HSPA9: variants seen among roughly 807,000 people sequenced by gnomAD.
HSPA9 encodes the protein stress-70 protein, mitochondrial.
A neutral mutation model predicts 81.5 loss-of-function variants in HSPA9; 28 were observed. The observed-to-expected ratio is 0.34, with a 90% CI of 0.25 to 0.47. The LOEUF is 0.47. Ranked by LOEUF, HSPA9 falls within the 20% of genes least tolerant of loss-of-function variation. The pLI is 1.00. For synonymous variants in HSPA9, 293 were observed against 290.4 expected, an observed-to-expected ratio of 1.01 and a Z score of -0.09; for missense variants, 678 against 838.0, an observed-to-expected ratio of 0.81 and a Z score of 2.36.
In HSPA9 at chr5:138,571,181, A is replaced by G. The variant is rs147364929; in HGVS notation, c.229-40T>C. 508 of 1,595,546 alleles carry G rather than the reference A, an allele frequency of 3.2e-4. 1 individual carries two copies. The Middle Eastern group carries it at 5.1e-3, about 16-fold the overall frequency. On this transcript the variant is annotated intron_variant, in intron 3 of 16. Transcript: ENST00000297185. ...TGTGATAGAGAGTAAGTTTGTAGTT[A>G]TCACTGGTATGTTTTTTGAGATGGA...
At chr5:138,568,770 GA>G (rs1436013163) in intron 5 of HSPA9, among the ~76,000 whole-genome samples, 154 bp downstream of exon 5, 1 of 152,206 alleles carries the variant, frequency 6.6e-6, no homozygotes, top group Non-Finnish European at 1.5e-5. Flanking sequence ...AATCTGCAGG[GA>G]AAGCATGAAG....
At chr5:138,556,209 C>G in intron 16 of HSPA9, 95 bp from the exon 17 acceptor site, 1 of 1,095,034 alleles carries the variant, frequency 9.1e-7, no homozygotes, top group Non-Finnish European at 1.4e-6. Flanking sequence ...CACATATGTC[C>G]TCATCATTCA....
At chr5:138,567,385 C>A in intron 7 of HSPA9, 70 bp downstream of exon 7, 1 of 1,239,112 alleles carries the variant, frequency 8.1e-7, no homozygotes, top group South Asian at 1.2e-5. Flanking sequence ...GTAAAAGGCT[C>A]AATTACTAAA....
At chr5:138,561,872 G>T in intron 9 of HSPA9, 83 bp from the exon 10 acceptor site, 1 of 1,068,504 alleles carries the variant, frequency 9.4e-7, no homozygotes, top group Non-Finnish European at 1.5e-6. Flanking sequence ...ATATGACCAT[G>T]CCCTAGGACA....
chr5:138,573,145 G>T (rs2127162705), intron 3 of HSPA9, among the ~76,000 whole-genome samples: 1 of 152,160 alleles, frequency 6.6e-6, no homozygotes, highest in Admixed American at 6.5e-5. Context: ...CACCCGCCTT[G>T]GCCTCCCAAA....
At chr5:138,572,004 TG>T (rs1272699944) in intron 3 of HSPA9, among the ~76,000 whole-genome samples, 1 of 123,980 alleles carries the variant, frequency 8.1e-6, no homozygotes, top group Non-Finnish European at 1.6e-5. Flanking sequence ...TCACCTAGGC[TG>T]GAGTGCAGTG....
At position 138,554,607 on chromosome 5, in the gene HSPA9, T is replaced by C. The variant is rs1181182960; in HGVS notation, c.*1430A>G. Among the ~76,000 whole-genome samples, 5 of 152,238 alleles carry C rather than the reference T, an allele frequency of 3.3e-5. No individual in the cohort carries two copies. The highest frequency in any genetic ancestry group is 3.3e-4 in the Admixed American group (5 of 15,286). On this transcript the variant is annotated 3_prime_UTR_variant, in exon 17 of 17. Coordinates refer to ENST00000297185, the MANE Select transcript of HSPA9 (RefSeq NM_004134.7). Reference sequence around the variant, plus strand: ...GATTTCTTATACTGATTTTTGGAAATACAGTAATCTCATTTCTACATATTA... The same window carrying C: ...GATTTCTTATACTGATTTTTGGAAACACAGTAATCTCATTTCTACATATTA...
At chr5:138,570,894 C>T in intron 4 of HSPA9, 66 bp downstream of exon 4, 4 of 1,342,208 alleles carry the variant, frequency 3.0e-6, no homozygotes, top group Non-Finnish European at 4.3e-6. Context: ...CATCAACATG[C>T]TGAGGCTCTT....
rs1209908284 is a variant in HSPA9 at position 138,571,055 on chromosome 5, G to C, written c.315C>G (p.Ala105=). 6.2e-7 allele frequency: 1 copy of C among 1,614,192 alleles called. No homozygotes were observed. The change falls in exon 4 of 17, where the codon GCC becomes GCG. Residue 105 remains alanine, a synonymous_variant. Transcript: ENST00000297185. ...ADGERLVGMP[A]KRQAVTNPNN... ...TTGGGTTGGTGACAGCCTGTCGCTT[G>C]GCCGGCATTCCAACAAGTCGCTCAC...
rs760971853 is a variant in HSPA9 at position 138,556,595 on chromosome 5, TAAAAA to T, written c.1822-8_1822-4del. On this transcript the variant is annotated splice_polypyrimidine_tract_variant and splice_region_variant and intron_variant, in intron 15 of 16. Coordinates refer to ENST00000297185, the MANE Select transcript of HSPA9 (RefSeq NM_004134.7). The stretch of plus-strand genomic sequence containing the variant: ...ATCTCTTCTTTCAGCTTGTTGCACT[TAAAAA>T]AAGAAAACAAAAATCCTTACTTTTC... 1.2e-6 allele frequency: 2 copies of T among 1,613,678 alleles called. No individual in the cohort carries two copies. Among genetic ancestry groups the T allele is most frequent in the African/African-American group, 2.7e-5 (2 of 75,014 alleles).
chr5:138,561,558 A>C, intron 10 of HSPA9, 22 bp downstream of exon 10: 2 of 1,599,506 alleles, frequency 1.3e-6, no homozygotes, highest in Non-Finnish European at 1.7e-6. Context: ...TCTCTCCACG[A>C]CAGAATTCCA....
At chr5:138,568,396 G>C (rs531272088) in intron 5 of HSPA9, among the ~76,000 whole-genome samples, 89 of 151,278 alleles carry the variant, frequency 5.9e-4, no homozygotes, top group Middle Eastern at 3.5e-3. Context: ...AGCTACGTTG[G>C]GGGGGAGGGA....
At chr5:138,562,037 C>G (rs943356201) in intron 9 of HSPA9, among the ~76,000 whole-genome samples, 22 of 151,580 alleles carry the variant, frequency 1.5e-4, no homozygotes, top group African/African-American at 4.1e-4. Context: ...CTCCCAGGTT[C>G]AAGCGATTCT....
chr5:138,565,185 T>C (rs923184661), intron 9 of HSPA9, among the ~76,000 whole-genome samples: 1 of 152,134 alleles, frequency 6.6e-6, no homozygotes, highest in Non-Finnish European at 1.5e-5. Context: ...ACCAATCTCT[T>C]CCAACACCTC....
chr5:138,574,030 T>A (rs762550599), intron 2 of HSPA9, 38 bp downstream of exon 2: 2 of 1,512,788 alleles, frequency 1.3e-6, no homozygotes, highest in South Asian at 2.3e-5. Flanking sequence ...TGAAGTTTAA[T>A]ATGTATTCCC....
intron 4 of HSPA9, among the ~76,000 whole-genome samples, chr5:138,569,716 G>T (rs256012): frequency 6.6e-6 from 1 of 152,058 alleles, no homozygotes; most frequent in African/African-American, 2.4e-5. Flanking sequence ...AAAATATTTA[G>T]TTTATATATA....
intron 14 of HSPA9, 102 bp downstream of exon 14, chr5:138,557,300 G>A: frequency 2.4e-6 from 2 of 827,464 alleles, no homozygotes; most frequent in South Asian, 2.9e-5. Context: ...TGGGCTTACA[G>A]TGCTGGGATT....
chr5:138,574,115 A>G lies in HSPA9; in HGVS notation c.93T>C (p.Asn31=). ...PTAARHQDSW[N]GLSHEAFRLV... Reference sequence around the variant, plus strand: ...GTCTAAAAGCCTCATGACTAAGGCCATTCCAGCTATCCTAAAAAAGAAAAA... The same window carrying G: ...GTCTAAAAGCCTCATGACTAAGGCCGTTCCAGCTATCCTAAAAAAGAAAAA... Residue 31 remains asparagine, a synonymous_variant, in exon 2 of 17, where the codon AAT becomes AAC. Transcript: ENST00000297185. The G allele has an allele frequency of 6.2e-7, 1 of 1,613,758 alleles. No individual in the cohort carries two copies. The highest frequency in any genetic ancestry group is 1.3e-5 in the African/African-American group (1 of 75,048).
Position 138,575,364 on chromosome 5 carries a change from G to T in HSPA9, c.-46C>A, listed in dbSNP as rs780832946. On this transcript the variant is annotated 5_prime_UTR_variant, in exon 1 of 17. Coordinates refer to ENST00000297185, the MANE Select transcript of HSPA9 (RefSeq NM_004134.7). Reference sequence around the variant, plus strand: ...CGAGGCAGCAAACAAGCGCTCCGACGGCAAAGAGCTGCGCGATGCGGTGGC... The same window carrying T: ...CGAGGCAGCAAACAAGCGCTCCGACTGCAAAGAGCTGCGCGATGCGGTGGC... 4.0e-6 allele frequency: 6 copies of T among 1,487,580 alleles called. No homozygotes were observed. The highest frequency in any genetic ancestry group is 9.3e-7 in the Non-Finnish European group (1 of 1,069,808). 92.1% of individuals were successfully genotyped at this position (1,487,580 alleles called of 1,614,324 possible).
Sources: gnomAD v4.1 joint callset for allele counts (sites outside exome capture counted in the v4.1 genomes callset) on GRCh38, gnomAD v4.1.1 for gene constraint, MANE v1.5 for transcripts, NCBI Gene and HGNC (gene_info 2026-07-23, HGNC 2026-07-21) for gene names.